CLSTN2: variants seen among roughly 807,000 people sequenced by gnomAD.
CLSTN2 encodes calsyntenin-2.
In CLSTN2, 48 loss-of-function variants were observed where a neutral mutation model predicts 101.2. That is an observed-to-expected ratio of 0.47 (90% CI 0.38 to 0.60). The LOEUF is 0.60. CLSTN2 is among the 20% of genes least tolerant of loss of function. The probability of loss-of-function intolerance (pLI) is 0.00; values close to 1 mark genes in which losing one functional copy is unlikely to be tolerated. For missense variants in CLSTN2, 1,160 were observed against 1,238.2 expected (o/e 0.94, Z 0.95); for synonymous variants, 481 against 463.6 (o/e 1.04, Z -0.48).
chr3:140,109,185 A>G (rs764841508), intron 1 of CLSTN2, among the ~76,000 whole-genome samples: 8 of 152,140 alleles, frequency 5.3e-5, no homozygotes, highest in Admixed American at 3.3e-4. Context: ...CCTTGCCCCA[A>G]TGTAACAGGA....
intron 8 of CLSTN2, among the ~76,000 whole-genome samples, chr3:140,500,531 C>G (rs1934556797): frequency 6.6e-6 from 1 of 152,076 alleles, no homozygotes; most frequent in South Asian, 2.1e-4. Flanking sequence ...GAGTGTTGGA[C>G]CTGTCTATTC....
intron 8 of CLSTN2, among the ~76,000 whole-genome samples, chr3:140,466,935 C>T (rs757560143): frequency 3.3e-5 from 5 of 152,198 alleles, no homozygotes; most frequent in African/African-American, 7.2e-5. Context: ...GAAAGGGATA[C>T]GCTTCCCAGC....
At chr3:140,321,629 G>A (rs1215382021) in intron 2 of CLSTN2, among the ~76,000 whole-genome samples, 1 of 152,062 alleles carries the variant, frequency 6.6e-6, no homozygotes, top group Non-Finnish European at 1.5e-5. Flanking sequence ...GGGCAGGGAG[G>A]GGGAGGACCT....
chr3:140,292,927 T>A (rs1036800897), intron 2 of CLSTN2, among the ~76,000 whole-genome samples: 2 of 152,224 alleles, frequency 1.3e-5, no homozygotes, highest in African/African-American at 2.4e-5. Flanking sequence ...CTCTGGTTGG[T>A]GGTTTGCCTG....
At chr3:140,191,853 A>T (rs1390744436) in intron 2 of CLSTN2, among the ~76,000 whole-genome samples, 1 of 151,808 alleles carries the variant, frequency 6.6e-6, no homozygotes, top group Admixed American at 6.6e-5. Flanking sequence ...GATTTTCTTT[A>T]TTGCTTTTCT....
intron 2 of CLSTN2, among the ~76,000 whole-genome samples, chr3:140,288,888 C>G (rs2086923031): frequency 6.6e-6 from 1 of 152,188 alleles, no homozygotes; most frequent in African/African-American, 2.4e-5. Context: ...TTCACTCACC[C>G]TTCATACCCA....
intron 8 of CLSTN2, among the ~76,000 whole-genome samples, chr3:140,489,198 G>A (rs775364004): frequency 2.6e-5 from 4 of 152,126 alleles, no homozygotes; most frequent in Non-Finnish European, 4.4e-5. Context: ...GAGAATCGTG[G>A]TTGACATTGG....
intron 6 of CLSTN2, chr3:140,449,525 C>A (rs558034418): frequency 3.3e-5 from 5 of 152,302 alleles, no homozygotes; most frequent in African/African-American, 9.6e-5. Flanking sequence ...ATATTCATGT[C>A]TTTTCCAGAA....
chr3:140,131,374 G>T (rs1024550016), intron 1 of CLSTN2, among the ~76,000 whole-genome samples: 1 of 151,530 alleles, frequency 6.6e-6, no homozygotes, highest in Admixed American at 6.6e-5. Context: ...ATGCTTTGTT[G>T]CTTCTACAGA....
intron 11 of CLSTN2, among the ~76,000 whole-genome samples, chr3:140,557,660 G>T (rs1418897440): frequency 6.6e-6 from 1 of 152,184 alleles, no homozygotes; most frequent in African/African-American, 2.4e-5. Flanking sequence ...GGATGGAGTA[G>T]CTCAGCATGG....
At chr3:140,336,704 C>G (rs2087442698) in intron 2 of CLSTN2, among the ~76,000 whole-genome samples, 1 of 152,180 alleles carries the variant, frequency 6.6e-6, no homozygotes, top group Admixed American at 6.5e-5. Flanking sequence ...TGTTGAAAAC[C>G]AACTGCTTTC....
chr3:140,178,066 T>C (rs1206638843), intron 2 of CLSTN2, among the ~76,000 whole-genome samples: 1 of 152,068 alleles, frequency 6.6e-6, no homozygotes, highest in African/African-American at 2.4e-5. Flanking sequence ...TCAGATGACA[T>C]GAAGTCATTG....
intron 2 of CLSTN2, among the ~76,000 whole-genome samples, chr3:140,262,884 CT>C (rs1369937892): frequency 1.3e-5 from 2 of 152,024 alleles, no homozygotes; most frequent in African/African-American, 4.8e-5. Flanking sequence ...AGGACCGGAC[CT>C]CTTCAGAGAA....
chr3:140,575,448 T>C lies in CLSTN2; in HGVS notation c.*9195T>C, dbSNP rs1481253984. The stretch of plus-strand genomic sequence containing the variant: ...AATCAATTGCTTCCAAAGTCAGAGC[T>C]GTTTGAAGGTGATCAGCTCTTAATT... On this transcript the variant is annotated 3_prime_UTR_variant, in exon 17 of 17. Coordinates refer to ENST00000458420, the MANE Select transcript of CLSTN2 (RefSeq NM_022131.3). 1 of 152,156 alleles carries C rather than the reference T, an allele frequency of 6.6e-6. No individual in the cohort carries two copies. The highest frequency in any genetic ancestry group is 1.5e-5 in the Non-Finnish European group (1 of 68,040). 9.4% of individuals were successfully genotyped at this position (152,156 alleles called of 1,614,324 possible).
At chr3:140,138,459 G>A (rs1299741583) in intron 1 of CLSTN2, among the ~76,000 whole-genome samples, 1 of 152,220 alleles carries the variant, frequency 6.6e-6, no homozygotes, top group African/African-American at 2.4e-5. Context: ...TCCACCTGAG[G>A]TAAGTGCATA....
intron 8 of CLSTN2, among the ~76,000 whole-genome samples, chr3:140,489,342 G>A (rs1259318520): frequency 6.6e-6 from 1 of 152,196 alleles, no homozygotes; most frequent in Non-Finnish European, 1.5e-5. Flanking sequence ...TATGCATCTT[G>A]CTTTAGGATA....
intron 2 of CLSTN2, among the ~76,000 whole-genome samples, chr3:140,329,604 A>G (rs2087362570): frequency 6.6e-6 from 1 of 152,180 alleles, no homozygotes; most frequent in East Asian, 1.9e-4. Flanking sequence ...TTAAAAAAAA[A>G]AATTCATCCT....
chr3:140,502,442 G>A (rs1210992069), intron 8 of CLSTN2, among the ~76,000 whole-genome samples: 1 of 152,182 alleles, frequency 6.6e-6, no homozygotes, highest in African/African-American at 2.4e-5. Flanking sequence ...GGGAGTCTTA[G>A]GCATGCAGAA....
rs999605850 is a variant in CLSTN2, at chr3:139,935,918, A to G, written c.109+435A>G. Among the ~76,000 whole-genome samples the G allele has an allele frequency of 7.9e-5, 12 of 152,050 alleles. No homozygotes were observed. Among genetic ancestry groups the G allele is most frequent in the African/African-American group, 2.7e-4 (11 of 41,418 alleles). On this transcript the variant is annotated intron_variant, in intron 1 of 16. Coordinates refer to ENST00000458420, the MANE Select transcript of CLSTN2 (RefSeq NM_022131.3). This position sits in a 1 kb window ranked among gnomAD's most constrained non-coding sequence, Gnocchi z 5.5. ...GGAGCCGAGCTGTGACTTGTCTCCCAGCTCGGGGATGGAGTGGAAACTTGT... is the reference window on the plus strand; with the variant it reads ...GGAGCCGAGCTGTGACTTGTCTCCCGGCTCGGGGATGGAGTGGAAACTTGT...
Sources: gnomAD v4.1 joint callset for allele counts (sites outside exome capture counted in the v4.1 genomes callset) on GRCh38, gnomAD v4.1.1 for gene constraint, Gnocchi (gnomAD v3.1) non-coding constraint, MANE v1.5 for transcripts, NCBI Gene and HGNC (gene_info 2026-07-23, HGNC 2026-07-21) for gene names.